Variants in ALDH1A3 observed in about 807,000 individuals in gnomAD.
ALDH1A3 encodes the protein aldehyde dehydrogenase 1 family member A3, also known as retinaldehyde dehydrogenase 3.
In ALDH1A3, 28 loss-of-function variants were observed where a neutral mutation model predicts 57.5. The observed-to-expected ratio is 0.49, with a 90% CI of 0.36 to 0.67. The LOEUF (loss-of-function observed/expected upper bound fraction) is 0.67. ALDH1A3 is among the 30% of genes least tolerant of loss of function. The probability of loss-of-function intolerance (pLI) is 0.00; values close to 1 mark genes in which losing one functional copy is unlikely to be tolerated. For synonymous variants in ALDH1A3, 281 were observed against 264.8 expected (o/e 1.06, Z -0.59); for missense variants, 507 against 669.4 (o/e 0.76, Z 2.68).
At position 100,898,196 on chromosome 15, in the gene ALDH1A3, G is replaced by A; in HGVS notation, c.883+11G>A. On this transcript the variant is annotated intron_variant, in intron 8 of 12. Coordinates refer to ENST00000329841, the MANE Select transcript of ALDH1A3 (RefSeq NM_000693.4). ...GTGCGGACGCTGACTGTGAGTCTCT[G>A]CCCTCCTGGGCTTTGCTGGGGCTTC... 1 of 1,611,618 alleles carries A rather than the reference G, an allele frequency of 6.2e-7. No individual in the cohort carries two copies. Among genetic ancestry groups the A allele is most frequent in the Non-Finnish European group, 8.5e-7 (1 of 1,178,170 alleles).
chr15:100,888,823 A>G (rs1346737618), intron 3 of ALDH1A3: 1 of 152,368 alleles, frequency 6.6e-6, no homozygotes, highest in East Asian at 1.9e-4. Flanking sequence ...CCTGGCAGGC[A>G]GTAAGCACTA....
intron 1 of ALDH1A3, among the ~76,000 whole-genome samples, chr15:100,884,413 G>A (rs1015717448): frequency 1.3e-5 from 2 of 152,122 alleles, no homozygotes; most frequent in Non-Finnish European, 2.9e-5. Flanking sequence ...TCTGCATTCT[G>A]GATCATTGAG....
rs1177443335 is a variant in ALDH1A3, at chr15:100,880,020, C to T, written c.99+14C>T. ...AAGTTCACCAAGGTGAGGCGGGCGC[C>T]CCTCCCACCCGACGGCCGCGGGCCC... On this transcript the variant is annotated intron_variant, in intron 1 of 12. Coordinates refer to ENST00000329841, the MANE Select transcript of ALDH1A3 (RefSeq NM_000693.4). 2 of 1,444,970 alleles carry T rather than the reference C, an allele frequency of 1.4e-6. No homozygotes were observed. Among genetic ancestry groups the T allele is most frequent in the Admixed American group, 2.5e-5 (1 of 39,964 alleles). The allele number at this position is 1,444,970 out of a possible 1,614,324, so 89.5% of individuals were successfully genotyped here. A position where few individuals can be genotyped will look rare whatever the true frequency, so the allele number is the denominator to read the frequency against.
intron 2 of ALDH1A3, among the ~76,000 whole-genome samples, chr15:100,886,939 A>G (rs1451008760): frequency 6.6e-6 from 1 of 152,218 alleles, no homozygotes; most frequent in Non-Finnish European, 1.5e-5. Flanking sequence ...ATCAAATGCC[A>G]GGCAGACACT....
chr15:100,892,669 G>A (rs2041662015), intron 4 of ALDH1A3, 30 bp downstream of exon 4: 3 of 1,591,008 alleles, frequency 1.9e-6, no homozygotes, highest in Middle Eastern at 1.8e-4. Context: ...GCTTCATTTG[G>A]GATCCCTTTG....
rs571036653 is a variant in ALDH1A3 at position 100,891,145 on chromosome 15, C to T, written c.346-1365C>T. Among the ~76,000 whole-genome samples the T allele has an allele frequency of 1.4e-4, 21 of 152,340 alleles. No homozygotes were observed. The East Asian group carries it at 3.7e-3, about 27-fold the overall frequency. Reference sequence around the variant, plus strand: ...TGTTCTCATGTGAACACCAATCCAGCACTCACCATGGGCGGGCACTGTGGT... The same window carrying T: ...TGTTCTCATGTGAACACCAATCCAGTACTCACCATGGGCGGGCACTGTGGT... On this transcript the variant is annotated intron_variant, in intron 3 of 12. Transcript: ENST00000329841.
intron 2 of ALDH1A3, among the ~76,000 whole-genome samples, chr15:100,885,629 TG>T (rs1394650907): frequency 6.6e-6 from 1 of 151,652 alleles, no homozygotes; most frequent in Non-Finnish European, 1.5e-5. Flanking sequence ...CCTCATCATA[TG>T]GCTAAAGGAA....
At position 100,908,512 on chromosome 15, in the gene ALDH1A3, G is replaced by A. The variant is rs189759261; in HGVS notation, c.1466+30G>A. ...GTGTTTCCATCATTCTGAGCCTGCC[G>A]TGGGCTGAACACTAGATCCACTAGA... On this transcript the variant is annotated intron_variant, in intron 12 of 12. Coordinates refer to ENST00000329841, the MANE Select transcript of ALDH1A3 (RefSeq NM_000693.4). 824 of 1,577,936 alleles carry A rather than the reference G, an allele frequency of 5.2e-4. 3 individuals carry two copies. The African/African-American group carries it at 7.8e-3, about 15-fold the overall frequency.
intron 3 of ALDH1A3, chr15:100,888,791 A>G (rs532289779): frequency 1.3e-5 from 2 of 152,348 alleles, no homozygotes; most frequent in South Asian, 2.1e-4. Context: ...AGAATGATCT[A>G]TTTAAGATTC....
chr15:100,892,547 A>G lies in ALDH1A3; in HGVS notation c.383A>G (p.His128Arg). ...ATGGATACAGGGAAGCCATTTCTTC[A>G]TGCTTTTTTCATCGACCTGGAGGGC... ...ETMDTGKPFL[H>R]AFFIDLEGCI... is the part of the protein sequence containing the mutation. The change falls in exon 4 of 13, where the codon CAT (histidine) becomes CGT (arginine). Residue 128 changes from histidine to arginine, a missense_variant. By Grantham distance (29) the His-to-Arg change is conservative (BLOSUM62 0). Transcript: ENST00000329841. The G allele has an allele frequency of 6.2e-7, 1 of 1,612,898 alleles. No homozygotes were observed. The highest frequency in any genetic ancestry group is 8.5e-7 in the Non-Finnish European group (1 of 1,179,710).
Position 100,885,384 on chromosome 15 carries a change from A to G in ALDH1A3, c.204+13A>G. The G allele has an allele frequency of 3.8e-6, 6 of 1,573,724 alleles. No individual in the cohort carries two copies. Among genetic ancestry groups the G allele is most frequent in the Non-Finnish European group, 5.2e-6 (6 of 1,143,598 alleles). ...AGAAGGAGATAAGGTAAATACTTAA[A>G]ATAAATTTGCTCTAAGTAATTCAAT... is the stretch of plus-strand genomic sequence containing the variant. On this transcript the variant is annotated intron_variant, in intron 2 of 12. Transcript: ENST00000329841.
At chr15:100,881,061 C>T (rs914960620) in intron 1 of ALDH1A3, 4 of 152,276 alleles carry the variant, frequency 2.6e-5, no homozygotes, top group African/African-American at 7.2e-5. Flanking sequence ...AGAGAATTTC[C>T]TCATCCGTTT....
intron 8 of ALDH1A3, 85 bp from the exon 9 acceptor site, chr15:100,900,490 A>T: frequency 8.0e-7 from 1 of 1,253,020 alleles, no homozygotes; most frequent in Non-Finnish European, 1.1e-6. Context: ...GTGGGCAATT[A>T]GAATTGCAGC....
At chr15:100,886,130 G>A (rs947911657) in intron 2 of ALDH1A3, among the ~76,000 whole-genome samples, 1 of 152,236 alleles carries the variant, frequency 6.6e-6, no homozygotes. Context: ...AGTGAAGGGC[G>A]TGTGCAGAGT....
intron 7 of ALDH1A3, among the ~76,000 whole-genome samples, chr15:100,897,375 G>A (rs992062138): frequency 6.6e-6 from 1 of 152,232 alleles, no homozygotes; most frequent in Non-Finnish European, 1.5e-5. Flanking sequence ...GGCTTTACTT[G>A]TTGCCCTAGA....
Position 100,901,180 on chromosome 15 carries a change from G to A in ALDH1A3, c.1068+421G>A, listed in dbSNP as rs546061255. ...CATCAGAAATCAAACAATCCCAGAC[G>A]GAGAGAGCCTGGGGCAGGAGAATGT... On this transcript the variant is annotated intron_variant, in intron 9 of 12. Coordinates refer to ENST00000329841, the MANE Select transcript of ALDH1A3 (RefSeq NM_000693.4). 8.5e-5 allele frequency among the ~76,000 whole-genome samples: 13 copies of A among 152,310 alleles called. No homozygotes were observed. In the East Asian group the frequency reaches 1.3e-3, roughly 16 times the overall value.
intron 6 of ALDH1A3, chr15:100,895,001 CT>C (rs1175661297): frequency 1.3e-5 from 2 of 152,164 alleles, no homozygotes; most frequent in Non-Finnish European, 2.9e-5. Flanking sequence ...GTGTTCTCGC[CT>C]GATAAAGAGG....
chr15:100,905,703 G>A lies in ALDH1A3; in HGVS notation c.1233+16G>A. The A allele has an allele frequency of 6.5e-7, 1 of 1,535,130 alleles. No individual in the cohort carries two copies. The highest frequency in any genetic ancestry group is 1.3e-5 in the South Asian group (1 of 78,596). On this transcript the variant is annotated intron_variant, in intron 10 of 12. Transcript: ENST00000329841. ...CAAAGAGGAGGTACAAGGGGGCTGT[G>A]GCAAGGCTACGACTTGCGGGGCCTT...
rs1325796332 is a variant in ALDH1A3, at chr15:100,879,834, G to T, written c.-74G>T. 5 of 1,124,544 alleles carry T rather than the reference G, an allele frequency of 4.4e-6. No homozygotes were observed. The East Asian group carries it at 1.6e-4, about 37-fold the overall frequency. 69.7% of individuals were successfully genotyped at this position (1,124,544 alleles called of 1,614,324 possible). The stretch of plus-strand genomic sequence containing the variant: ...GGCGGGGAGCTGCCACCCCGGGAGC[G>T]GGCTGCGCAGTGTCCGGGCCGAGCC... On this transcript the variant is annotated 5_prime_UTR_variant, in exon 1 of 13. Transcript: ENST00000329841.
Sources: allele counts gnomAD v4.1 joint callset (sites outside exome capture counted in the v4.1 genomes callset), GRCh38; gene constraint gnomAD v4.1.1; transcripts MANE v1.5; gene names NCBI Gene and HGNC (gene_info 2026-07-23, HGNC 2026-07-21).